Variants in RAD17 observed in about 807,000 individuals in gnomAD.
RAD17 encodes cell cycle checkpoint protein RAD17.
RAD17 carries 31 observed loss-of-function variants against 81.5 expected under a neutral mutation model. That is an observed-to-expected ratio of 0.38 (90% CI 0.29 to 0.51). RAD17 has a LOEUF of 0.51. RAD17 is among the 20% of genes least tolerant of loss of function. RAD17 has a pLI of 0.88. For synonymous variants in RAD17, 261 were observed against 266.2 expected, an observed-to-expected ratio of 0.98 and a Z score of 0.19; for missense variants, 681 against 781.2, an observed-to-expected ratio of 0.87 and a Z score of 1.53.
chr5:69,390,483 AAAAT>A (rs1456256503), intron 12 of RAD17, among the ~76,000 whole-genome samples: 3 of 151,308 alleles, frequency 2.0e-5, no homozygotes, highest in Non-Finnish European at 2.9e-5. Context: ...TTAAGGAAAA[AAAAT>A]AAAAACCCAA....
chr5:69,370,683 C>T (rs1762903574), intron 1 of RAD17: 1 of 152,720 alleles, frequency 6.5e-6, no homozygotes, highest in Non-Finnish European at 1.5e-5. Context: ...ACTATATTTA[C>T]TCAAATAGGT....
intron 15 of RAD17, among the ~76,000 whole-genome samples, chr5:69,394,422 G>T (rs1423106952): frequency 6.6e-6 from 1 of 152,006 alleles, no homozygotes; most frequent in Admixed American, 6.6e-5. Context: ...CCATTAAGAA[G>T]TAGATACAAG....
At chr5:69,408,119 C>T (rs12658657) in intron 17 of RAD17, among the ~76,000 whole-genome samples, 5,637 of 151,776 alleles carry the variant, frequency 0.037, 234 homozygotes, top group South Asian at 0.15. Flanking sequence ...TGTGAGCCCT[C>T]GCAAAGGCAG....
At chr5:69,390,229 T>G (rs1482288108) in intron 12 of RAD17, among the ~76,000 whole-genome samples, 2 of 152,188 alleles carry the variant, frequency 1.3e-5, no homozygotes, top group African/African-American at 4.8e-5. Context: ...TTTTTTTCAT[T>G]TAATTCTCAT....
intron 7 of RAD17, among the ~76,000 whole-genome samples, chr5:69,383,599 C>T (rs1394190013): frequency 2.0e-5 from 3 of 151,910 alleles, no homozygotes; most frequent in Admixed American, 6.6e-5. Flanking sequence ...AGGTTGTTTT[C>T]GAACCCCTGA....
At chr5:69,390,695 C>A (rs299082) in intron 12 of RAD17, among the ~76,000 whole-genome samples, 4 of 151,564 alleles carry the variant, frequency 2.6e-5, no homozygotes, top group Admixed American at 1.3e-4. Flanking sequence ...TGGCTCTCGC[C>A]TGTTATCCCA....
At chr5:69,393,551 TAAGAA>T (rs773704995) in intron 15 of RAD17, 51 bp downstream of exon 15, 99 of 1,505,474 alleles carry the variant, frequency 6.6e-5, no homozygotes, top group South Asian at 1.1e-4. Flanking sequence ...TCCTTAGAAT[TAAGAA>T]AAGAAAGTTT....
chr5:69,369,375 A>AG (rs1762741396), upstream of RAD17: 4 of 1,475,346 alleles, frequency 2.7e-6, no homozygotes, highest in Admixed American at 4.0e-5. Context: ...GAGGGCAGTG[A>AG]GGGGCCCCCA....
intron 4 of RAD17, among the ~76,000 whole-genome samples, chr5:69,372,811 A>G (rs549054546): frequency 2.0e-5 from 3 of 152,046 alleles, no homozygotes; most frequent in South Asian, 2.1e-4. Context: ...GGGTCTCCCT[A>G]TGTTATGCTA....
At chr5:69,394,629 CA>C (rs1561261281) in intron 15 of RAD17, among the ~76,000 whole-genome samples, 2 of 152,096 alleles carry the variant, frequency 1.3e-5, no homozygotes, top group Non-Finnish European at 2.9e-5. Context: ...TCATACTAGC[CA>C]CATCTCCAGT....
chr5:69,380,747 T>C (rs1763804087), intron 6 of RAD17, among the ~76,000 whole-genome samples: 1 of 151,854 alleles, frequency 6.6e-6, no homozygotes, highest in African/African-American at 2.4e-5. Context: ...GTCCTATCTC[T>C]GGTAAATATG....
intron 18 of RAD17, among the ~76,000 whole-genome samples, chr5:69,411,553 T>C (rs1164610871): frequency 1.3e-5 from 2 of 152,200 alleles, no homozygotes; most frequent in Non-Finnish European, 2.9e-5. Context: ...TTTTTCCCCC[T>C]CTTTACCCTC....
intron 18 of RAD17, among the ~76,000 whole-genome samples, chr5:69,413,619 C>T (rs1286520051): frequency 6.6e-6 from 1 of 152,100 alleles, no homozygotes. Context: ...ACTGCAGCTT[C>T]TGCCTCCTGG....
chr5:69,376,369 T>C (rs911054856), intron 6 of RAD17, among the ~76,000 whole-genome samples: 1 of 152,254 alleles, frequency 6.6e-6, no homozygotes. Flanking sequence ...CAGTTATTAC[T>C]GGCATTTTTC....
Position 69,410,961 on chromosome 5 carries a change from CTGTCTATATATATA to C in RAD17, c.1751+413_1751+426del, listed in dbSNP as rs1483524922. Among the ~76,000 whole-genome samples the C allele has an allele frequency of 3.9e-4, 9 of 23,356 alleles. 2 individuals are homozygous for C. The highest frequency in any genetic ancestry group is 1.8e-3 in the East Asian group (1 of 568). The allele number at this position is 23,356 out of a possible 152,430, so 15.3% of individuals were successfully genotyped here. On this transcript the variant is annotated intron_variant, in intron 18 of 18. Coordinates refer to ENST00000354868, the MANE Select transcript of RAD17 (RefSeq NM_133338.3). ...ATTTAAACAAGCAAAAAATAGATGT[CTGTCTATATATATA>C]TATATATATATATATATATATACTG...
At chr5:69,374,199 T>A in intron 5 of RAD17, 112 bp downstream of exon 5, 1 of 968,864 alleles carries the variant, frequency 1.0e-6, no homozygotes, top group Non-Finnish European at 1.5e-6. Flanking sequence ...AGAATCTTTC[T>A]AAGTGTTAGA....
At chr5:69,394,577 A>G (rs974280973) in intron 15 of RAD17, among the ~76,000 whole-genome samples, 19 of 126,570 alleles carry the variant, frequency 1.5e-4, no homozygotes, top group East Asian at 7.0e-4. Context: ...CACCAACCAC[A>G]TGTAGCTATT....
At chr5:69,377,682 T>TGC (rs1763587989) in intron 6 of RAD17, among the ~76,000 whole-genome samples, 1 of 45,712 alleles carries the variant, frequency 2.2e-5, no homozygotes, top group Non-Finnish European at 5.3e-5. Flanking sequence ...TATATGCATA[T>TGC]ATATATATGT....
intron 16 of RAD17, among the ~76,000 whole-genome samples, chr5:69,399,080 G>A (rs17230151): frequency 5.9e-5 from 9 of 151,946 alleles, no homozygotes; most frequent in Admixed American, 3.3e-4. Flanking sequence ...CAGCAATATA[G>A]TGAGATCCCA....
Sources: gnomAD v4.1 joint callset for allele counts (sites outside exome capture counted in the v4.1 genomes callset) on GRCh38, gnomAD v4.1.1 for gene constraint, MANE v1.5 for transcripts, NCBI Gene and HGNC (gene_info 2026-07-23, HGNC 2026-07-21) for gene names.